Variants in HEXB observed in about 807,000 individuals in gnomAD.
HEXB encodes beta-hexosaminidase subunit beta.
Under a neutral mutation model 71.2 loss-of-function variants are expected in HEXB, and 51 were observed. That is an observed-to-expected ratio of 0.72 (90% confidence interval 0.57 to 0.90). The LOEUF (loss-of-function observed/expected upper bound fraction) is 0.90. Ranked by LOEUF, HEXB falls within the 40% of genes least tolerant of loss-of-function variation. The pLI, the probability that HEXB is intolerant of heterozygous loss-of-function variation, is 0.00. For missense variants in HEXB, 617 were observed against 677.0 expected, an observed-to-expected ratio of 0.91 and a Z score of 0.98; for synonymous variants, 266 against 249.3, an observed-to-expected ratio of 1.07 and a Z score of -0.63.
intron 5 of HEXB, among the ~76,000 whole-genome samples, chr5:74,700,751 A>T (rs1451395724): frequency 6.6e-6 from 1 of 152,086 alleles, no homozygotes. Context: ...CTTGTTGCAC[A>T]GGTTGGAGTG....
Position 74,721,164 on chromosome 5 carries a change from G to A in HEXB, c.1660G>A (p.Glu554Lys), listed in dbSNP as rs1749849303. The A allele has an allele frequency of 6.2e-7, 1 of 1,613,000 alleles. No homozygotes were observed. The highest frequency in any genetic ancestry group is 8.5e-7 in the Non-Finnish European group (1 of 1,179,146). The change falls in exon 14 of 14, where the codon GAG becomes AAG. Residue 554 changes from glutamate (E) to lysine (K), a missense_variant. Transcript: ENST00000261416. ...TCTTTATGCTGGATATTGTAACCAT[G>A]AGAACATGTAAAAAATGGAGGGGAA... Reference protein sequence around the residue: ...QPLYAGYCNHENM With the variant: ...QPLYAGYCNHKNM
At chr5:74,674,925 A>T (rs1748604436) in intron 1 of HEXB, among the ~76,000 whole-genome samples, 1 of 152,106 alleles carries the variant, frequency 6.6e-6, no homozygotes, top group Non-Finnish European at 1.5e-5. Context: ...TCTTTTCCTC[A>T]TTTCCCATAG....
upstream of HEXB, among the ~76,000 whole-genome samples, chr5:74,682,897 A>G (rs1352302625): frequency 1.3e-5 from 2 of 152,248 alleles, no homozygotes; most frequent in African/African-American, 4.8e-5. Context: ...CAAGGAAAGC[A>G]TAACAGATTT....
At chr5:74,695,568 C>A (rs568603183) in intron 3 of HEXB, among the ~76,000 whole-genome samples, 1 of 149,854 alleles carries the variant, frequency 6.7e-6, no homozygotes, top group Non-Finnish European at 1.5e-5. Context: ...AGGCTGGGCA[C>A]GGTGGCTCAC....
upstream of HEXB, among the ~76,000 whole-genome samples, chr5:74,681,106 G>A (rs1748729931): frequency 6.6e-6 from 1 of 152,122 alleles, no homozygotes; most frequent in Non-Finnish European, 1.5e-5. Context: ...CCTCTAAAAT[G>A]GGGACAATAA....
intron 1 of HEXB, among the ~76,000 whole-genome samples, chr5:74,655,253 A>G (rs1160047504): frequency 6.6e-6 from 1 of 152,116 alleles, no homozygotes; most frequent in East Asian, 1.9e-4. Flanking sequence ...TCAAGCTTTT[A>G]AGAATGTTCT....
At chr5:74,708,019 A>T (rs1749445766) in intron 6 of HEXB, among the ~76,000 whole-genome samples, 1 of 151,910 alleles carries the variant, frequency 6.6e-6, no homozygotes, top group South Asian at 2.1e-4. Context: ...TGAAGGAAAA[A>T]ATGTTAAGGG....
At position 74,714,773 on chromosome 5, in the gene HEXB, A is replaced by G. The variant is rs143758666; in HGVS notation, c.902-737A>G. Among the ~76,000 whole-genome samples, 227 of 152,346 alleles carry G rather than the reference A, an allele frequency of 1.5e-3. 1 individual carries two copies. The highest frequency in any genetic ancestry group is 5.3e-3 in the African/African-American group (221 of 41,570). On this transcript the variant is annotated intron_variant, in intron 7 of 13. Transcript: ENST00000261416. ...CAGTACCAAGCATTTATAATTGCTC[A>G]ATATTATTAGAGTAGACATGGGGAA...
chr5:74,640,621 G>C (rs775362686), intron 1 of HEXB: 2 of 152,368 alleles, frequency 1.3e-5, no homozygotes, highest in African/African-American at 2.4e-5. Context: ...GCGCTCGGGG[G>C]AGGGAGCTAG....
chr5:74,719,940 C>CAAAA (rs71600436), intron 11 of HEXB: 5 of 80,030 alleles, frequency 6.2e-5, no homozygotes, highest in Admixed American at 3.2e-4. Flanking sequence ...GACTCCATCT[C>CAAAA]AAAAAAAAAA....
rs531060905 is a variant in HEXB at position 74,645,270 on chromosome 5, T to G, written c.-377+4712T>G. ...TGCAGTGGCTATTCACAGGCCGACA[T>G]GGTTCACTGCAGCGTATAACTCCTG... On this transcript the variant is annotated intron_variant, in intron 1 of 13. Coordinates refer to the HEXB transcript ENST00000511181. Among the ~76,000 whole-genome samples, 12 of 152,250 alleles carry G rather than the reference T, an allele frequency of 7.9e-5. No individual in the cohort carries two copies. The East Asian group carries it at 2.1e-3, about 27-fold the overall frequency.
At chr5:74,647,869 C>T (rs1580357029) in intron 1 of HEXB, among the ~76,000 whole-genome samples, 1 of 152,198 alleles carries the variant, frequency 6.6e-6, no homozygotes, top group African/African-American at 2.4e-5. Flanking sequence ...TTACAGGCAT[C>T]GTGCTAAGGA....
chr5:74,712,353 C>A (rs887641838), intron 6 of HEXB, among the ~76,000 whole-genome samples: 2 of 150,344 alleles, frequency 1.3e-5, no homozygotes, highest in Admixed American at 6.6e-5. Context: ...GTGGGTGCAG[C>A]GCACCAGCAT....
intron 7 of HEXB, among the ~76,000 whole-genome samples, chr5:74,714,182 A>G (rs1579951116): frequency 6.6e-6 from 1 of 152,156 alleles, no homozygotes; most frequent in African/African-American, 2.4e-5. Context: ...GAGGTATTGC[A>G]TTTCTTATTT....
chr5:74,677,102 G>T, intron 1 of HEXB, among the ~76,000 whole-genome samples: 1 of 151,870 alleles, frequency 6.6e-6, no homozygotes. Flanking sequence ...GGCCAGGATG[G>T]TCTCGATATC....
Position 74,713,593 on chromosome 5 carries a change from C to T in HEXB, c.859C>T (p.Pro287Ser). 1 of 1,613,170 alleles carries T rather than the reference C, an allele frequency of 6.2e-7. No homozygotes were observed. The highest frequency in any genetic ancestry group is 8.5e-7 in the Non-Finnish European group (1 of 1,179,150). Residue 287 changes from proline to serine, a missense_variant, in exon 7 of 14, where the codon CCA becomes TCA. Physicochemically the swap from Pro to Ser is moderately conservative, Grantham distance 74. Coordinates refer to ENST00000261416, the MANE Select transcript of HEXB (RefSeq NM_000521.4). ...YARLRGIRVLPEFDTPGHTLS... is the reference protein window; with the variant it reads ...YARLRGIRVLSEFDTPGHTLS... ...CAGATTACGAGGAATTCGAGTCCTG[C>T]CAGAATTTGATACCCCTGGGCATAC... is the stretch of plus-strand genomic sequence containing the variant.
upstream of HEXB, among the ~76,000 whole-genome samples, chr5:74,680,381 G>A (rs1194131869): frequency 6.6e-6 from 1 of 152,154 alleles, no homozygotes; most frequent in African/African-American, 2.4e-5. Context: ...TTTGTGTCGG[G>A]GAGGAGTGGG....
At chr5:74,660,548 T>C (rs546933848) in intron 1 of HEXB, among the ~76,000 whole-genome samples, 15 of 152,194 alleles carry the variant, frequency 9.9e-5, no homozygotes, top group Non-Finnish European at 1.6e-4. Flanking sequence ...CCAGCCATAA[T>C]ATCATCAAGC....
At chr5:74,703,083 G>A (rs1302893403) in intron 5 of HEXB, among the ~76,000 whole-genome samples, 1 of 152,192 alleles carries the variant, frequency 6.6e-6, no homozygotes, top group East Asian at 1.9e-4. Flanking sequence ...CTCCTGAGTA[G>A]CTGGAGTTAC....
Sources: gnomAD v4.1 joint callset for allele counts (sites outside exome capture counted in the v4.1 genomes callset) on GRCh38, gnomAD v4.1.1 for gene constraint, MANE v1.5 for transcripts, NCBI Gene and HGNC (gene_info 2026-07-23, HGNC 2026-07-21) for gene names.